The following NUDT7 variants were observed in gnomAD, a reference collection of about 807,000 sequenced individuals.
NUDT7 encodes nudix hydrolase 7, also known as peroxisomal coenzyme A diphosphatase NUDT7.
In NUDT7, 19 loss-of-function variants were observed where a neutral mutation model predicts 13.1. That is an observed-to-expected ratio of 1.45 (90% confidence interval 1.01 to 2.13). NUDT7 has a LOEUF of 2.13. Ranked by LOEUF, NUDT7 falls within the 30% of genes most tolerant of loss-of-function variation. NUDT7 has a pLI of 0.00. For synonymous variants in NUDT7, 132 were observed against 109.7 expected (o/e 1.20, Z -1.27); for missense variants, 360 against 291.7 (o/e 1.23, Z -1.71).
intron 2 of NUDT7, chr16:77,735,371 CCTCT>C: frequency 5.5e-6 from 3 of 541,264 alleles, no homozygotes; most frequent in Non-Finnish European, 9.9e-6. Flanking sequence ...ACCTCCCCTC[CCTCT>C]CTCTGTCTCC....
intron 3 of NUDT7, among the ~76,000 whole-genome samples, chr16:77,739,884 T>A (rs2014604927): frequency 6.6e-6 from 1 of 152,146 alleles, no homozygotes; most frequent in African/African-American, 2.4e-5. Flanking sequence ...AGCTCCCTTG[T>A]CTCCATGTGG....
intron 2 of NUDT7, among the ~76,000 whole-genome samples, chr16:77,733,395 C>G (rs191007218): frequency 2.6e-5 from 4 of 152,324 alleles, no homozygotes; most frequent in Admixed American, 2.6e-4. Context: ...GAGTCTGTCT[C>G]TGGTCTCTTT....
chr16:77,726,713 C>T lies in NUDT7; in HGVS notation c.189+1129C>T, dbSNP rs79199296. ...TCAGGAGGCTGAGGCAGGAGAAACA[C>T]TTGAAACCAGGAGGCGGAGGTTGCA... On this transcript the variant is annotated intron_variant, in intron 2 of 3. Coordinates refer to ENST00000268533, the MANE Select transcript of NUDT7 (RefSeq NM_001105663.3). Among the ~76,000 whole-genome samples, 3,085 of 152,244 alleles carry T rather than the reference C, an allele frequency of 0.02. 171 individuals carry two copies. In the East Asian group the frequency reaches 0.23, roughly 12 times the overall value.
At chr16:77,737,403 T>TAA (rs2014520899) in intron 3 of NUDT7, 1 of 152,182 alleles carries the variant, frequency 6.6e-6, no homozygotes, top group Admixed American at 6.5e-5. Flanking sequence ...GCTGGGGTCA[T>TAA]AATTTGGGAA....
intron 2 of NUDT7, among the ~76,000 whole-genome samples, chr16:77,734,934 A>G (rs1425509858): frequency 1.3e-5 from 2 of 152,146 alleles, no homozygotes; most frequent in Non-Finnish European, 2.9e-5. Flanking sequence ...TGTACAACAC[A>G]GTAAATGTAT....
At chr16:77,729,447 AT>A (rs1277783416) in intron 2 of NUDT7, among the ~76,000 whole-genome samples, 2 of 152,170 alleles carry the variant, frequency 1.3e-5, no homozygotes, top group Non-Finnish European at 2.9e-5. Flanking sequence ...TACTATACAT[AT>A]TACCTCACAT....
At chr16:77,741,513 G>T (rs1280921123) in intron 3 of NUDT7, 69 bp from the exon 4 acceptor site, 3 of 1,464,814 alleles carry the variant, frequency 2.0e-6, no homozygotes, top group Non-Finnish European at 2.7e-6. Context: ...CCTAGAAGTG[G>T]CATGATTTTA....
At chr16:77,736,956 G>A (rs930919063) in intron 3 of NUDT7, among the ~76,000 whole-genome samples, 1 of 152,136 alleles carries the variant, frequency 6.6e-6, no homozygotes, top group African/African-American at 2.4e-5. Flanking sequence ...CGTGAAGGTA[G>A]TACAGAGAGT....
intron 2 of NUDT7, among the ~76,000 whole-genome samples, chr16:77,732,209 T>G (rs1317153146): frequency 6.6e-6 from 1 of 151,972 alleles, no homozygotes; most frequent in Admixed American, 6.6e-5. Context: ...GTGCCTGTAA[T>G]TCCAGTTACT....
chr16:77,735,455 C>T lies in NUDT7; in HGVS notation c.190-373C>T, dbSNP rs554284012. ...ATGATTGTAAGTTTCCTGAGGTCTC[C>T]CCAGAAGCCAAGCAGACGCCAGCAT... On this transcript the variant is annotated intron_variant, in intron 2 of 3. Coordinates refer to ENST00000268533, the MANE Select transcript of NUDT7 (RefSeq NM_001105663.3). The T allele has an allele frequency of 4.1e-5, 27 of 664,226 alleles. No homozygotes were observed. The East Asian group carries it at 6.8e-4, about 17-fold the overall frequency. 41.1% of individuals were successfully genotyped at this position (664,226 alleles called of 1,614,324 possible). A position where few individuals can be genotyped will look rare whatever the true frequency, so the allele number is the denominator to read the frequency against.
At chr16:77,737,635 A>G (rs2014531389) in intron 3 of NUDT7, among the ~76,000 whole-genome samples, 1 of 151,916 alleles carries the variant, frequency 6.6e-6, no homozygotes, top group Admixed American at 6.6e-5. Flanking sequence ...ACAGGCGCCC[A>G]TCACCGCGCC....
At chr16:77,727,874 T>C (rs199707521) in intron 2 of NUDT7, among the ~76,000 whole-genome samples, 1 of 151,074 alleles carries the variant, frequency 6.6e-6, no homozygotes, top group East Asian at 1.9e-4. Context: ...AATAAATAAA[T>C]AAAAATAAAT....
chr16:77,734,535 A>G (rs1337823529), intron 2 of NUDT7, among the ~76,000 whole-genome samples: 9 of 152,292 alleles, frequency 5.9e-5, no homozygotes, highest in African/African-American at 1.9e-4. Flanking sequence ...AGGCAGGAGA[A>G]TGGTGTGAAC....
chr16:77,734,061 G>C (rs950076869), intron 2 of NUDT7, among the ~76,000 whole-genome samples: 1 of 152,098 alleles, frequency 6.6e-6, no homozygotes, highest in Non-Finnish European at 1.5e-5. Context: ...ATCAAGGAAG[G>C]GGGCAATGCG....
Position 77,736,647 on chromosome 16 carries a change from T to G in NUDT7, c.348+661T>G, listed in dbSNP as rs13338208. On this transcript the variant is annotated intron_variant, in intron 3 of 3. Transcript: ENST00000268533. Reference sequence around the variant, plus strand: ...ATTTTCTTTTTTATTTTTTTTTTTATAGAGATGGGGGTCTCGCTATGTTGA... The same window carrying G: ...ATTTTCTTTTTTATTTTTTTTTTTAGAGAGATGGGGGTCTCGCTATGTTGA... The G allele has an allele frequency of 1.0e-2, 2,479 of 248,250 alleles. 61 individuals carry two copies. The highest frequency in any genetic ancestry group is 0.052 in the African/African-American group (2,298 of 43,904). 15.4% of individuals were successfully genotyped at this position (248,250 alleles called of 1,614,324 possible).
chr16:77,738,033 A>G (rs74026813), intron 3 of NUDT7, among the ~76,000 whole-genome samples: 2,173 of 152,276 alleles, frequency 0.014, 51 homozygotes, highest in African/African-American at 0.049. Context: ...TGGCCACTCA[A>G]TAAATGTTTT....
rs1372747273 is a variant in NUDT7, at chr16:77,742,181, T to G, written c.*231T>G. The G allele has an allele frequency of 9.1e-7, 1 of 1,102,530 alleles. No homozygotes were observed. The highest frequency in any genetic ancestry group is 4.1e-5 in the East Asian group (1 of 24,120). 68.3% of individuals were successfully genotyped at this position (1,102,530 alleles called of 1,614,324 possible). On this transcript the variant is annotated 3_prime_UTR_variant, in exon 4 of 4. Coordinates refer to ENST00000268533, the MANE Select transcript of NUDT7 (RefSeq NM_001105663.3). The stretch of plus-strand genomic sequence containing the variant: ...TTGCATATTTTCACCCACAATATGT[T>G]AATAATATTTTTCTTACACATATAA...
intron 2 of NUDT7, among the ~76,000 whole-genome samples, chr16:77,727,472 G>A (rs2014173952): frequency 6.6e-6 from 1 of 152,188 alleles, no homozygotes. Context: ...GGTTCCAGGG[G>A]GAAATACTTA....
chr16:77,738,320 T>G (rs1414962497), intron 3 of NUDT7, among the ~76,000 whole-genome samples: 1 of 152,206 alleles, frequency 6.6e-6, no homozygotes, highest in Non-Finnish European at 1.5e-5. Flanking sequence ...GGAAAGTGTC[T>G]CTGGGAGATT....
Sources: gnomAD v4.1 joint callset for allele counts (sites outside exome capture counted in the v4.1 genomes callset) on GRCh38, gnomAD v4.1.1 for gene constraint, MANE v1.5 for transcripts, NCBI Gene and HGNC (gene_info 2026-07-23, HGNC 2026-07-21) for gene names.